Variants in NMNAT2 observed in about 807,000 individuals in gnomAD.
The protein encoded by NMNAT2 is nicotinamide nucleotide adenylyltransferase 2.
In NMNAT2, 11 loss-of-function variants were observed where a neutral mutation model predicts 41.6. That is an observed-to-expected ratio of 0.26 (90% CI 0.17 to 0.44). The LOEUF is 0.44. Ranked by LOEUF, NMNAT2 falls within the 20% of genes least tolerant of loss-of-function variation. NMNAT2 has a pLI of 1.00. For synonymous variants in NMNAT2, 148 were observed against 151.2 expected (o/e 0.98, Z 0.16); for missense variants, 288 against 407.7 (o/e 0.71, Z 2.53).
chr1:183,378,043 G>A (rs1459155327), intron 1 of NMNAT2, among the ~76,000 whole-genome samples: 1 of 152,032 alleles, frequency 6.6e-6, no homozygotes, highest in African/African-American at 2.4e-5. Context: ...TTGAAGATAG[G>A]TCAATAGAAA....
chr1:183,405,096 T>C (rs919636171), intron 1 of NMNAT2, among the ~76,000 whole-genome samples: 1 of 152,136 alleles, frequency 6.6e-6, no homozygotes, highest in Non-Finnish European at 1.5e-5. Flanking sequence ...TGAATGTGCC[T>C]GTAGTCCCAG....
chr1:183,290,836 T>C (rs1661521421), intron 3 of NMNAT2: 2 of 152,316 alleles, frequency 1.3e-5, no homozygotes, highest in South Asian at 2.1e-4. Flanking sequence ...GACACAACAA[T>C]GGCCAGCCCC....
At position 183,327,006 on chromosome 1, in the gene NMNAT2, G is replaced by A. The variant is rs540751427; in HGVS notation, c.86-33213C>T. On this transcript the variant is annotated intron_variant, in intron 1 of 10. Transcript: ENST00000287713. ...TAGCTATCCCCATTACCCTTTCTCAGCAGTATTCATAATTATATTTTATGT... is the reference window on the plus strand; with the variant it reads ...TAGCTATCCCCATTACCCTTTCTCAACAGTATTCATAATTATATTTTATGT... Among the ~76,000 whole-genome samples the A allele has an allele frequency of 5.3e-5, 8 of 151,276 alleles. No homozygotes were observed. In the South Asian group the frequency reaches 1.7e-3, roughly 32 times the overall value.
chr1:183,258,553 G>A (rs1368431814), intron 10 of NMNAT2, among the ~76,000 whole-genome samples: 2 of 152,158 alleles, frequency 1.3e-5, no homozygotes, highest in Non-Finnish European at 2.9e-5. Flanking sequence ...GAGGACAACA[G>A]CCCTTTCCCA....
intron 1 of NMNAT2, among the ~76,000 whole-genome samples, chr1:183,317,908 G>T (rs989504726): frequency 2.0e-5 from 3 of 152,210 alleles, no homozygotes; most frequent in Non-Finnish European, 2.9e-5. Context: ...CTATGGGCTG[G>T]ATTCTATGCT....
chr1:183,365,754 A>G (rs994773013), intron 1 of NMNAT2, among the ~76,000 whole-genome samples: 1 of 151,922 alleles, frequency 6.6e-6, no homozygotes, highest in African/African-American at 2.4e-5. Context: ...AAAAAGGAAC[A>G]GTGACAGGTG....
intron 1 of NMNAT2, among the ~76,000 whole-genome samples, chr1:183,294,971 G>GA (rs1661646290): frequency 6.6e-6 from 1 of 152,064 alleles, no homozygotes; most frequent in Admixed American, 6.5e-5. Flanking sequence ...CTTAACACTT[G>GA]AAAAAAGATC....
rs530255756 is a variant in NMNAT2 at position 183,401,086 on chromosome 1, C to T, written c.85+17097G>A. Among the ~76,000 whole-genome samples the T allele has an allele frequency of 2.6e-5, 4 of 152,278 alleles. No homozygotes were observed. In the South Asian group the frequency reaches 8.3e-4, roughly 32 times the overall value. ...AATGGGATCTAATTAAACTCAAGAGCTTCTGCACAGCAAAAGAAACTGCCA... is the reference window on the plus strand; with the variant it reads ...AATGGGATCTAATTAAACTCAAGAGTTTCTGCACAGCAAAAGAAACTGCCA... On this transcript the variant is annotated intron_variant, in intron 1 of 10. Transcript: ENST00000287713.
intron 1 of NMNAT2, among the ~76,000 whole-genome samples, chr1:183,407,843 T>C (rs1276839783): frequency 1.3e-5 from 2 of 152,104 alleles, no homozygotes; most frequent in African/African-American, 4.8e-5. Context: ...AAGAAGGAGG[T>C]AGCTATGAAA....
intron 1 of NMNAT2, among the ~76,000 whole-genome samples, chr1:183,378,737 A>G (rs1663730929): frequency 1.3e-5 from 2 of 152,108 alleles, no homozygotes; most frequent in Admixed American, 1.3e-4. Context: ...AATGGTCTAA[A>G]CACACCAGTT....
At chr1:183,389,804 GAAAGAAAGAAAGAAAGAAAGAA>G (rs1648399263) in intron 1 of NMNAT2, among the ~76,000 whole-genome samples, 1 of 62,548 alleles carries the variant, frequency 1.6e-5, no homozygotes, top group African/African-American at 5.3e-5. Context: ...AAGAAAGAAA[GAAAGAAAGAAAGAAAGAAAGAA>G]AGAAAGAAAG....
At chr1:183,403,862 T>C (rs1162133276) in intron 1 of NMNAT2, among the ~76,000 whole-genome samples, 3 of 152,228 alleles carry the variant, frequency 2.0e-5, no homozygotes, top group African/African-American at 7.2e-5. Flanking sequence ...TTCAATTCTT[T>C]ACATGGGTTA....
At chr1:183,302,916 T>C (rs1239145896) in intron 1 of NMNAT2, among the ~76,000 whole-genome samples, 1 of 152,180 alleles carries the variant, frequency 6.6e-6, no homozygotes, top group Non-Finnish European at 1.5e-5. Flanking sequence ...CCCCTATGAC[T>C]CAGTGTGCCC....
At chr1:183,374,936 C>T (rs1172329745) in intron 1 of NMNAT2, among the ~76,000 whole-genome samples, 2 of 152,164 alleles carry the variant, frequency 1.3e-5, no homozygotes, top group South Asian at 4.1e-4. Context: ...GTTGATATTC[C>T]TAGTGTGTGT....
chr1:183,345,338 T>C (rs1662904376), intron 1 of NMNAT2, among the ~76,000 whole-genome samples: 1 of 152,064 alleles, frequency 6.6e-6, no homozygotes, highest in African/African-American at 2.4e-5. Flanking sequence ...AATAAGAAAT[T>C]ATTACCCAAA....
intron 1 of NMNAT2, among the ~76,000 whole-genome samples, chr1:183,327,995 G>C (rs536932290): frequency 6.6e-6 from 1 of 152,038 alleles, no homozygotes; most frequent in Non-Finnish European, 1.5e-5. Flanking sequence ...TCTCCAGGTC[G>C]GTGGCTCATC....
intron 2 of NMNAT2, among the ~76,000 whole-genome samples, chr1:183,293,079 C>G (rs888024808): frequency 6.6e-6 from 1 of 152,174 alleles, no homozygotes; most frequent in African/African-American, 2.4e-5. Flanking sequence ...ACCACCCCAA[C>G]AAGGTCGATA....
At chr1:183,347,368 A>G (rs935837126) in intron 1 of NMNAT2, among the ~76,000 whole-genome samples, 3 of 152,146 alleles carry the variant, frequency 2.0e-5, no homozygotes, top group East Asian at 1.9e-4. Flanking sequence ...AGAGAGGAGA[A>G]TCACTTGAGC....
chr1:183,396,532 C>T (rs1363863194), intron 1 of NMNAT2, among the ~76,000 whole-genome samples: 2 of 152,038 alleles, frequency 1.3e-5, no homozygotes, highest in Non-Finnish European at 2.9e-5. Flanking sequence ...AAGGGAAGAA[C>T]GCCTCAAGTT....
Sources: allele counts gnomAD v4.1 joint callset (sites outside exome capture counted in the v4.1 genomes callset), GRCh38; gene constraint gnomAD v4.1.1; transcripts MANE v1.5; gene names NCBI Gene and HGNC (gene_info 2026-07-23, HGNC 2026-07-21).